Variants in TMCO6 observed in about 807,000 individuals in gnomAD.
TMCO6 encodes transmembrane and coiled-coil domain-containing protein 6.
TMCO6 carries 47 observed loss-of-function variants against 61.8 expected under a neutral mutation model. The ratio of observed to expected loss-of-function variants is 0.76; its 90% CI spans 0.60 to 0.97. The LOEUF (loss-of-function observed/expected upper bound fraction) is 0.97. Among genes scored for constraint, TMCO6 ranks in the 50% least tolerant of loss-of-function variants. TMCO6 has a pLI of 0.00. For missense variants in TMCO6, 557 were observed against 601.6 expected (o/e 0.93, Z 0.78); for synonymous variants, 261 against 254.2 (o/e 1.03, Z -0.25).
the TMCO6 span, chr5:140,632,022 A>G: frequency 6.2e-7 from 1 of 1,614,086 alleles, no homozygotes. This position sits in a 1 kb window ranked among gnomAD's most constrained non-coding sequence, Gnocchi z 6.2. Flanking sequence ...CAGGTTATCC[A>G]CCTCGGGCAG....
downstream of TMCO6, among the ~76,000 whole-genome samples, chr5:140,646,717 G>A (rs1030624260): frequency 1.3e-5 from 2 of 152,148 alleles, no homozygotes; most frequent in Admixed American, 6.5e-5. Context: ...TAAATGTAAA[G>A]GCTCAATCCT....
chr5:140,602,484 T>C, the TMCO6 span, among the ~76,000 whole-genome samples: 2 of 152,146 alleles, frequency 1.3e-5, no homozygotes, highest in African/African-American at 4.8e-5. Flanking sequence ...AAAGTGTGGC[T>C]GGGAGTGGTG....
chr5:140,619,893 A>AAC, the TMCO6 span, among the ~76,000 whole-genome samples: 1 of 152,238 alleles, frequency 6.6e-6, no homozygotes, highest in African/African-American at 2.4e-5. Flanking sequence ...TGACAACAAC[A>AAC]AATGCTGGTG....
the TMCO6 span, among the ~76,000 whole-genome samples, chr5:140,613,848 C>T: frequency 6.6e-6 from 1 of 151,920 alleles, no homozygotes; most frequent in South Asian, 2.1e-4. Flanking sequence ...ACAGGGATTA[C>T]AGGCATGAGC....
chr5:140,615,253 A>G, the TMCO6 span, among the ~76,000 whole-genome samples: 1 of 152,220 alleles, frequency 6.6e-6, no homozygotes, highest in Non-Finnish European at 1.5e-5. Flanking sequence ...AGGAGACAAG[A>G]CTTGTACAAT....
At chr5:140,620,433 G>A in the TMCO6 span, among the ~76,000 whole-genome samples, 1 of 152,196 alleles carries the variant, frequency 6.6e-6, no homozygotes, top group Non-Finnish European at 1.5e-5. Context: ...TAGTCTGTAT[G>A]ATGATATAAT....
chr5:140,642,346 TC>T lies in TMCO6; in HGVS notation c.531del (p.Ile177MetfsTer7). The T allele has an allele frequency of 6.2e-7, 1 of 1,613,824 alleles. No homozygotes were observed. Among genetic ancestry groups the T allele is most frequent in the Non-Finnish European group, 8.5e-7 (1 of 1,179,834 alleles). On this transcript the variant is annotated frameshift_variant, in exon 5 of 12. Coordinates refer to ENST00000394671, the MANE Select transcript of TMCO6 (RefSeq NM_018502.5). LOFTEE classifies it high-confidence loss of function. ...TGTCTGTATACACTGGGTAACCTGA[TC>T]GTGGAGAGTGAGGCTGTGAGAAGGC... is the stretch of plus-strand genomic sequence containing the variant. ...ELCLYTLGNL[I>X]VESEAVRRQL...
At chr5:140,607,159 A>G in the TMCO6 span, among the ~76,000 whole-genome samples, 3 of 152,130 alleles carry the variant, frequency 2.0e-5, no homozygotes, top group East Asian at 3.8e-4. Context: ...TCATCATCCT[A>G]AACAGAAACT....
At chr5:140,603,600 G>A in the TMCO6 span, among the ~76,000 whole-genome samples, 3 of 152,104 alleles carry the variant, frequency 2.0e-5, no homozygotes, top group South Asian at 6.2e-4. Flanking sequence ...GAGCCACTGT[G>A]CCTGGCCAGT....
chr5:140,600,452 T>C, the TMCO6 span, among the ~76,000 whole-genome samples: 3 of 151,858 alleles, frequency 2.0e-5, no homozygotes, highest in East Asian at 5.8e-4. Flanking sequence ...ATATTACCCA[T>C]AGGGTGAATT....
At chr5:140,608,971 C>A in the TMCO6 span, 1 of 152,232 alleles carries the variant, frequency 6.6e-6, no homozygotes, top group African/African-American at 2.4e-5. Flanking sequence ...GTTGTTTTAT[C>A]TATTCTGCAC....
At chr5:140,631,801 G>A in the TMCO6 span, 29 of 1,473,486 alleles carry the variant, frequency 2.0e-5, no homozygotes, top group Non-Finnish European at 2.6e-5. Flanking sequence ...ACGTCCTGAC[G>A]GGACTCCCCT....
At chr5:140,602,175 A>G in the TMCO6 span, among the ~76,000 whole-genome samples, 1 of 152,142 alleles carries the variant, frequency 6.6e-6, no homozygotes, top group African/African-American at 2.4e-5. Context: ...GGCTTTGCCT[A>G]TTCTGTTCCC....
the TMCO6 span, among the ~76,000 whole-genome samples, chr5:140,622,656 C>T: frequency 1.4e-5 from 2 of 145,954 alleles, no homozygotes; most frequent in African/African-American, 2.5e-5. Context: ...AAGGGAACAA[C>T]GAAAATAAGA....
chr5:140,631,208 G>C, the TMCO6 span, among the ~76,000 whole-genome samples: 1 of 152,108 alleles, frequency 6.6e-6, no homozygotes, highest in Non-Finnish European at 1.5e-5. Context: ...AAAGCCTCCG[G>C]GTGAAGAGAG....
At position 140,639,725 on chromosome 5, in the gene TMCO6, T is replaced by C. The variant is rs370143925; in HGVS notation, c.86-14T>C. On this transcript the variant is annotated splice_polypyrimidine_tract_variant and intron_variant, in intron 1 of 11. Transcript: ENST00000394671. ...GTCGTCCTTCCCACGCTCAGCCGGCTCCTCTGCCCCCAGCACTGCGGAAGG... is the reference window on the plus strand; with the variant it reads ...GTCGTCCTTCCCACGCTCAGCCGGCCCCTCTGCCCCCAGCACTGCGGAAGG... The C allele has an allele frequency of 3.2e-6, 5 of 1,579,282 alleles. No individual in the cohort carries two copies. The African/African-American group carries it at 6.7e-5, about 21-fold the overall frequency.
chr5:140,637,651 T>G (rs1438724605), upstream of TMCO6, among the ~76,000 whole-genome samples: 2 of 152,188 alleles, frequency 1.3e-5, no homozygotes, highest in Non-Finnish European at 2.9e-5. Flanking sequence ...ACACAGACTT[T>G]AAGTTTGATA....
rs749315357 is a variant in TMCO6, at chr5:140,644,600, G to T, written c.1228G>T (p.Glu410Ter). 1 of 1,614,224 alleles carries T rather than the reference G, an allele frequency of 6.2e-7. No homozygotes were observed. Among genetic ancestry groups the T allele is most frequent in the Middle Eastern group, 1.6e-4 (1 of 6,062 alleles). Residue 410 changes from glutamate to a stop codon, truncating the protein, a stop_gained, in exon 11 of 12, where the codon GAA becomes TAA. Coordinates refer to ENST00000394671, the MANE Select transcript of TMCO6 (RefSeq NM_018502.5). LOFTEE classifies it high-confidence loss of function. Reference sequence around the variant, plus strand: ...GCTCACAGTTCTGTGCAATGTTGCAGAAAAGGGTCCTGCTTACTGCCAGCG... The same window carrying T: ...GCTCACAGTTCTGTGCAATGTTGCATAAAAGGGTCCTGCTTACTGCCAGCG... ...MVLTVLCNVAEKGPAYCQRLW... is the reference protein window; with the variant it reads ...MVLTVLCNVA
At chr5:140,598,179 G>C in the TMCO6 span, among the ~76,000 whole-genome samples, 1 of 151,436 alleles carries the variant, frequency 6.6e-6, no homozygotes, top group Non-Finnish European at 1.5e-5. Flanking sequence ...CATTTTACTT[G>C]ATTTTTAAAT....
Sources: gnomAD v4.1 joint callset for allele counts (sites outside exome capture counted in the v4.1 genomes callset) on GRCh38, gnomAD v4.1.1 for gene constraint, Gnocchi (gnomAD v3.1) non-coding constraint, MANE v1.5 for transcripts, NCBI Gene and HGNC (gene_info 2026-07-23, HGNC 2026-07-21) for gene names.